SLC4A1: variants seen among roughly 807,000 people sequenced by gnomAD.
SLC4A1 encodes the protein solute carrier family 4 member 1 (Diego blood group).
In SLC4A1, 29 loss-of-function variants were observed where a neutral mutation model predicts 93.1. That is an observed-to-expected ratio of 0.31 (90% CI 0.23 to 0.42). SLC4A1 has a LOEUF of 0.42. Among genes scored for constraint, SLC4A1 ranks in the 20% least tolerant of loss-of-function variants. SLC4A1 has a pLI of 1.00. For missense variants in SLC4A1, 965 were observed against 1,190.1 expected (o/e 0.81, Z 2.78); for synonymous variants, 469 against 497.2 (o/e 0.94, Z 0.76).
chr17:44,262,896 G>C lies in SLC4A1; in HGVS notation c.-30C>G, dbSNP rs148028272. The C allele has an allele frequency of 9.9e-6, 16 of 1,613,980 alleles. No individual in the cohort carries two copies. The highest frequency in any genetic ancestry group is 1.1e-5 in the Non-Finnish European group (13 of 1,180,032). ...TGGTCCTGAGTGTCCAGTTGTCTAC[G>C]GTGATCTGAGCCCCCAGCATAACCC... is the stretch of plus-strand genomic sequence containing the variant. On this transcript the variant is annotated 5_prime_UTR_variant, in exon 2 of 20. Transcript: ENST00000262418.
intron 5 of SLC4A1, 43 bp downstream of exon 5, chr17:44,260,592 A>G (rs771371259): frequency 6.2e-7 from 1 of 1,614,104 alleles, no homozygotes; most frequent in Admixed American, 1.7e-5. Context: ...ACCCCACAAC[A>G]ATCCTCATCT....
chr17:44,259,671 C>T, intron 7 of SLC4A1, 90 bp from the exon 8 acceptor site: 1 of 1,534,838 alleles, frequency 6.5e-7, no homozygotes, highest in Non-Finnish European at 9.0e-7. Flanking sequence ...CGCTTCCCAA[C>T]TCTCCTGGCA....
intron 1 of SLC4A1, among the ~76,000 whole-genome samples, chr17:44,265,205 G>C (rs1239425020): frequency 6.6e-6 from 1 of 152,052 alleles, no homozygotes. Flanking sequence ...GGCAAACTGG[G>C]AACACAGGGC....
In SLC4A1 at chr17:44,250,545, G is replaced by A. The variant is rs751339256; in HGVS notation, c.2656-7C>T. On this transcript the variant is annotated splice_polypyrimidine_tract_variant and splice_region_variant and intron_variant, in intron 19 of 19. Transcript: ENST00000262418. The stretch of plus-strand genomic sequence containing the variant: ...TGGCATCATCAGCATCCAGCTGGAG[G>A]GGAGGGACAGGAGAGAGACAGGGTG... 5.0e-6 allele frequency: 8 copies of A among 1,612,010 alleles called. No homozygotes were observed. The South Asian group carries it at 8.8e-5, about 18-fold the overall frequency.
chr17:44,260,849 G>A (rs1193200916), intron 4 of SLC4A1, 34 bp from the exon 5 acceptor site: 6 of 1,603,956 alleles, frequency 3.7e-6, no homozygotes, highest in East Asian at 2.2e-5. Context: ...AGTTCATCAG[G>A]CATAGTCCAG....
At chr17:44,262,830 G>A (rs1376298069) in intron 2 of SLC4A1, 22 bp downstream of exon 2, 7 of 1,612,914 alleles carry the variant, frequency 4.3e-6, no homozygotes, top group African/African-American at 1.3e-5. Context: ...TGGGAGCACT[G>A]CTGATGCCAG....
chr17:44,260,701 C>T lies in SLC4A1; in HGVS notation c.283G>A (p.Gly95Ser), dbSNP rs1380205574. ...GTGAGGTGAGAGAGGTGCGGGCGGC[C>T]CCAGGCCCCATTCTCCCCCAGGTTC... ...EENLGENGAW[G>S]RPHLSHLTFW... The change falls in exon 5 of 20, where the codon GGC (glycine) becomes AGC (serine). Residue 95 changes from glycine (G) to serine (S), a missense_variant. By Grantham distance (56) the Gly-to-Ser change is moderately conservative. Transcript: ENST00000262418. The T allele has an allele frequency of 9.9e-6, 16 of 1,614,156 alleles. No individual in the cohort carries two copies. The highest frequency in any genetic ancestry group is 1.4e-5 in the Non-Finnish European group (16 of 1,180,020).
rs776130740 is a variant in SLC4A1 at position 44,250,481 on chromosome 17, C to G, written c.2713G>C (p.Asp905His). ...FDEEEGRDEY[D>H]EVAMPV is the part of the protein sequence containing the mutation. ...CCTCACACAGGCATGGCCACTTCGT[C>G]GTATTCATCCCGACCTTCCTCCTCA... Residue 905 changes from aspartate (D) to histidine (H), a missense_variant, in exon 20 of 20, where the codon GAC (aspartate) becomes CAC (histidine). Asp to His is a moderately conservative substitution (Grantham distance 81, BLOSUM62 -1). Around this residue, in one of 2 missense-constraint regions of SLC4A1, gnomAD observed 770 missense variants for 1,006.6 expected, o/e 0.76. Coordinates refer to ENST00000262418, the MANE Select transcript of SLC4A1 (RefSeq NM_000342.4). The G allele has an allele frequency of 1.9e-6, 3 of 1,613,946 alleles. No individual in the cohort carries two copies. Among genetic ancestry groups the G allele is most frequent in the East Asian group, 2.2e-5 (1 of 44,876 alleles).
chr17:44,263,725 CCT>C, intron 1 of SLC4A1, among the ~76,000 whole-genome samples: 2 of 149,890 alleles, frequency 1.3e-5, no homozygotes, highest in Non-Finnish European at 3.0e-5. Flanking sequence ...TTCCTTCCTT[CCT>C]TCCTTCCTTC....
rs1413411499 is a variant in SLC4A1 at position 44,258,040 on chromosome 17, T to C, written c.1228A>G (p.Ile410Val). The change falls in exon 11 of 20, where the codon ATC (isoleucine) becomes GTC (valine). Residue 410 changes from isoleucine to valine, a missense_variant. Ile to Val is a conservative substitution (Grantham distance 29). Transcript: ENST00000262418. The surrounding 1 kb of genome is among the most constrained non-coding windows in gnomAD (Gnocchi z 6.1). ...AFSPQVLAAV[I>V]FIYFAALSPA... is the part of the protein sequence containing the mutation. ...GACAGTGCAGCAAAGTAGATGAAGA[T>C]GACGGCAGCCAGGACCTGGGGGCTG... 6.2e-7 allele frequency: 1 copy of C among 1,614,014 alleles called. No individual in the cohort carries two copies. Among genetic ancestry groups the C allele is most frequent in the Non-Finnish European group, 8.5e-7 (1 of 1,180,004 alleles).
At chr17:44,254,454 G>GCCAAC in intron 16 of SLC4A1, 42 bp downstream of exon 16, 2 of 1,502,200 alleles carry the variant, frequency 1.3e-6, no homozygotes, top group African/African-American at 1.4e-5. Context: ...AAAGGTCCCT[G>GCCAAC]CCTCCCACCC....
intron 6 of SLC4A1, 24 bp downstream of exon 6, chr17:44,260,380 C>A (rs2047432136): frequency 1.2e-6 from 2 of 1,605,270 alleles, no homozygotes; most frequent in Non-Finnish European, 1.7e-6. Flanking sequence ...GATATGGAAT[C>A]CAGGCCCTGG....
Position 44,252,803 on chromosome 17 carries a change from A to C in SLC4A1, c.2311+315T>G, listed in dbSNP as rs2857078. On this transcript the variant is annotated intron_variant, in intron 17 of 19. Coordinates refer to ENST00000262418, the MANE Select transcript of SLC4A1 (RefSeq NM_000342.4). ...CTGAGACCCAGAGACAAGGAGGGAT[A>C]CTGGGTTAGCAGCAGGGCAGGGCTA... Among the ~76,000 whole-genome samples the C allele has an allele frequency of 0.62, 93,721 of 152,098 alleles. 29,995 individuals carry two copies. Among genetic ancestry groups the C allele is most frequent in the South Asian group, 0.69 (3,343 of 4,824 alleles).
At chr17:44,251,642 G>C (rs907725219) in intron 17 of SLC4A1, 54 bp from the exon 18 acceptor site, 20 of 1,558,348 alleles carry the variant, frequency 1.3e-5, no homozygotes, top group East Asian at 9.0e-5. Flanking sequence ...TGGCACCAGT[G>C]GGGGGTCAGG....
At position 44,258,167 on chromosome 17, in the gene SLC4A1, G is replaced by T; in HGVS notation, c.1101C>A (p.Gly367=). ...SFYKGLDLNG[G]PDDPLQQTGQ... ...CTGTCTGCTGCAGAGGGTCATCTGG[G>T]CCCCCATTTAAGTCTGTGGTGGAGG... Residue 367 remains glycine (G), a synonymous_variant, in exon 11 of 20, where the codon GGC becomes GGA. Transcript: ENST00000262418. The surrounding 1 kb of genome is among the most constrained non-coding windows in gnomAD (Gnocchi z 6.1). 12 of 1,614,010 alleles carry T rather than the reference G, an allele frequency of 7.4e-6. No individual in the cohort carries two copies. The highest frequency in any genetic ancestry group is 9.3e-6 in the Non-Finnish European group (11 of 1,179,992).
At chr17:44,255,428 A>C in intron 14 of SLC4A1, 132 bp from the exon 15 acceptor site, 1 of 773,246 alleles carries the variant, frequency 1.3e-6, no homozygotes, top group Non-Finnish European at 2.2e-6. Flanking sequence ...CCTGTCCTGC[A>C]CCTCAGCTAT....
Position 44,251,487 on chromosome 17 carries a change from G to T in SLC4A1, c.2413C>A (p.Leu805Ile). 1 of 1,614,194 alleles carries T rather than the reference G, an allele frequency of 6.2e-7. No individual in the cohort carries two copies. The highest frequency in any genetic ancestry group is 8.5e-7 in the Non-Finnish European group (1 of 1,180,034). The change falls in exon 18 of 20, where the codon CTC becomes ATC. Residue 805 changes from leucine (L) to isoleucine (I), a missense_variant. Physicochemically the swap from Leu to Ile is conservative, Grantham distance 5. This residue lies in a region of SLC4A1 where 770 missense variants were observed against 1,006.6 expected (regional missense o/e 0.76). Coordinates refer to ENST00000262418, the MANE Select transcript of SLC4A1 (RefSeq NM_000342.4). ...AACAGAAGCAAGATGCGGTCAAAGAGCTGGATGCCGCTGAGCGACGTGACC... is the reference window on the plus strand; with the variant it reads ...AACAGAAGCAAGATGCGGTCAAAGATCTGGATGCCGCTGAGCGACGTGACC... ...MGVTSLSGIQ[L>I]FDRILLLFKP... is the part of the protein sequence containing the mutation.
chr17:44,265,185 G>T (rs903889357), intron 1 of SLC4A1, among the ~76,000 whole-genome samples: 1 of 151,920 alleles, frequency 6.6e-6, no homozygotes, highest in Non-Finnish European at 1.5e-5. Context: ...GCTCCTAGCC[G>T]CGACAGGGAG....
chr17:44,262,548 T>C, intron 3 of SLC4A1, 88 bp downstream of exon 3: 2 of 946,862 alleles, frequency 2.1e-6, no homozygotes, highest in South Asian at 1.4e-5. Context: ...GGAGGAGGAC[T>C]GTGGAGAAGG....
Sources: allele counts gnomAD v4.1 joint callset (sites outside exome capture counted in the v4.1 genomes callset), GRCh38; gene constraint gnomAD v4.1.1; regional missense constraint gnomAD v4.1.1; non-coding constraint Gnocchi (gnomAD v3.1); transcripts MANE v1.5; gene names NCBI Gene and HGNC (gene_info 2026-07-23, HGNC 2026-07-21).